KSR2: variants seen among roughly 807,000 people sequenced by gnomAD.
KSR2 encodes the protein kinase suppressor of ras 2.
In KSR2, 25 loss-of-function variants were observed where a neutral mutation model predicts 107.8. The observed-to-expected ratio is 0.23, with a 90% CI of 0.17 to 0.32. KSR2 has a LOEUF of 0.32. KSR2 is among the 10% of genes least tolerant of loss of function. The probability of loss-of-function intolerance (pLI) is 1.00; values close to 1 mark genes in which losing one functional copy is unlikely to be tolerated. For missense variants in KSR2, 887 were observed against 1,268.9 expected (o/e 0.70, Z 4.57); for synonymous variants, 480 against 507.0 (o/e 0.95, Z 0.71).
At chr12:117,566,091 TTA>T (rs1387149773) in intron 7 of KSR2, among the ~76,000 whole-genome samples, 1 of 63,670 alleles carries the variant, frequency 1.6e-5, no homozygotes, top group African/African-American at 5.3e-5. Flanking sequence ...TACCCAGTAG[TTA>T]TTTTTTTTTT....
At chr12:117,861,546 ACC>A (rs1566055655) in intron 1 of KSR2, among the ~76,000 whole-genome samples, 2,449 of 150,412 alleles carry the variant, frequency 0.016, 69 homozygotes, top group African/African-American at 0.057. Flanking sequence ...CCGCCACCAC[ACC>A]CGGCTAATTT....
chr12:117,756,502 AGACC>A (rs1025658252), intron 4 of KSR2, among the ~76,000 whole-genome samples: 138 of 152,332 alleles, frequency 9.1e-4, no homozygotes, highest in African/African-American at 3.2e-3. Flanking sequence ...CCCACTGTTG[AGACC>A]GACTGTTTAG....
chr12:117,803,776 C>T (rs984716978), intron 3 of KSR2, among the ~76,000 whole-genome samples: 3 of 152,078 alleles, frequency 2.0e-5, no homozygotes, highest in African/African-American at 4.8e-5. Flanking sequence ...TCTGTCTTTC[C>T]GGCCATGCAT....
chr12:117,454,578 C>T lies in KSR2; in HGVS notation c.*12621G>A, dbSNP rs951068469. The T allele has an allele frequency of 6.6e-6, 1 of 152,190 alleles. No individual in the cohort carries two copies. Among genetic ancestry groups the T allele is most frequent in the Non-Finnish European group, 1.5e-5 (1 of 68,046 alleles). The allele number at this position is 152,190 out of a possible 1,614,324, so 9.4% of individuals were successfully genotyped here. ...GCTTGGCCTGTGGCCCACTATGGCC[C>T]CTAGGTCTTCTTCAGTCATTTCTGT... On this transcript the variant is annotated 3_prime_UTR_variant, in exon 20 of 20. Coordinates refer to ENST00000339824, the MANE Select transcript of KSR2 (RefSeq NM_173598.6).
At chr12:117,693,041 A>G (rs1013090092) in intron 4 of KSR2, among the ~76,000 whole-genome samples, 17 of 152,204 alleles carry the variant, frequency 1.1e-4, no homozygotes, top group African/African-American at 4.1e-4. Flanking sequence ...AAAGTGGTCG[A>G]TCTCACGTTA....
chr12:117,753,588 C>G (rs1403612913), intron 4 of KSR2, among the ~76,000 whole-genome samples: 5 of 152,156 alleles, frequency 3.3e-5, no homozygotes, highest in Non-Finnish European at 5.9e-5. Flanking sequence ...CGCATGTTCT[C>G]ACTTTTAAGT....
chr12:117,838,334 A>T (rs1892326102), intron 3 of KSR2, among the ~76,000 whole-genome samples: 1 of 151,988 alleles, frequency 6.6e-6, no homozygotes, highest in Admixed American at 6.5e-5. Context: ...CACCCAGCTA[A>T]TTTTTTGTAT....
chr12:117,579,790 T>G (rs1185903776), intron 6 of KSR2, among the ~76,000 whole-genome samples: 2 of 152,252 alleles, frequency 1.3e-5, no homozygotes, highest in African/African-American at 4.8e-5. Context: ...GTGAAAGCCA[T>G]TCAGACCATC....
chr12:117,845,424 T>C (rs1001084809), intron 3 of KSR2, among the ~76,000 whole-genome samples: 2 of 152,192 alleles, frequency 1.3e-5, no homozygotes, highest in Non-Finnish European at 2.9e-5. Context: ...GATGCTTTCT[T>C]GTCATTCAAG....
At position 117,539,745 on chromosome 12, in the gene KSR2, C is replaced by T. The variant is rs56214831; in HGVS notation, c.1661G>A (p.Arg554Gln). The T allele has an allele frequency of 8.3e-3, 13,289 of 1,606,216 alleles. 79 individuals carry two copies. Among genetic ancestry groups the T allele is most frequent in the Middle Eastern group, 0.013 (68 of 5,362 alleles). Residue 554 changes from arginine (R) to glutamine (Q), a missense_variant, in exon 10 of 20, where the codon CGG (arginine) becomes CAG (glutamine). This residue lies in a region of KSR2 where 50 missense variants were observed against 43.4 expected (regional missense o/e 1.15). Coordinates refer to ENST00000339824, the MANE Select transcript of KSR2 (RefSeq NM_173598.6). ...TGGCAGGTTGAAGTTCTTCTGCTGC[C>T]GTGTGCACTGTGGGGAAGGGTGTAG... ...SPLHPSPQCT[R>Q]QQKNFNLPAS... is the part of the protein sequence containing the mutation.
chr12:117,618,474 C>T (rs1043002950), intron 5 of KSR2, among the ~76,000 whole-genome samples: 13 of 152,032 alleles, frequency 8.6e-5, no homozygotes, highest in African/African-American at 3.1e-4. Context: ...TGGGCTCTTT[C>T]CTCTGTGCCT....
chr12:117,703,098 C>G (rs1431234482), intron 4 of KSR2, among the ~76,000 whole-genome samples: 3 of 152,096 alleles, frequency 2.0e-5, no homozygotes, highest in Admixed American at 6.6e-5. Flanking sequence ...AAGCCAGGAT[C>G]AAACCAGGGT....
At chr12:117,527,452 T>C (rs1875277401) in intron 12 of KSR2, among the ~76,000 whole-genome samples, 1 of 152,222 alleles carries the variant, frequency 6.6e-6, no homozygotes, top group Non-Finnish European at 1.5e-5. Flanking sequence ...TTTCAACTTA[T>C]CTAGCAGCTT....
chr12:117,484,879 C>T (rs1872372747), intron 15 of KSR2, among the ~76,000 whole-genome samples: 1 of 152,192 alleles, frequency 6.6e-6, no homozygotes, highest in African/African-American at 2.4e-5. Context: ...TCCACTTCCC[C>T]TTTAAATACT....
At chr12:117,622,695 A>G (rs1314803674) in intron 5 of KSR2, among the ~76,000 whole-genome samples, 1 of 152,164 alleles carries the variant, frequency 6.6e-6, no homozygotes, top group African/African-American at 2.4e-5. Context: ...TAAAGCTTCA[A>G]TTCAATGGGA....
intron 5 of KSR2, among the ~76,000 whole-genome samples, chr12:117,583,299 G>T (rs999031683): frequency 6.6e-6 from 1 of 151,052 alleles, no homozygotes; most frequent in East Asian, 2.0e-4. Flanking sequence ...GTGGGTGGAT[G>T]GATGAATAGA....
intron 4 of KSR2, among the ~76,000 whole-genome samples, chr12:117,724,255 C>G (rs1278861419): frequency 6.7e-6 from 1 of 148,666 alleles, no homozygotes; most frequent in East Asian, 2.0e-4. Context: ...TTGCAGTGAG[C>G]TGAGATCGTG....
In KSR2 at chr12:117,832,872, C is replaced by T. The variant is rs532733579; in HGVS notation, c.472+22556G>A. Among the ~76,000 whole-genome samples the T allele has an allele frequency of 2.9e-4, 44 of 152,358 alleles. No homozygotes were observed. In the South Asian group the frequency reaches 8.1e-3, roughly 28 times the overall value. ...CAGGTCACTGCAGGTGATGGGTTTA[C>T]GTCCCTTGAAAATCAGTCTGAACTC... On this transcript the variant is annotated intron_variant, in intron 3 of 19. Transcript: ENST00000339824.
At chr12:117,587,615 G>A (rs1384788244) in intron 5 of KSR2, among the ~76,000 whole-genome samples, 1 of 152,142 alleles carries the variant, frequency 6.6e-6, no homozygotes, top group Non-Finnish European at 1.5e-5. Context: ...CAGCAGCCAT[G>A]GGAAACTGAC....
Sources: allele counts gnomAD v4.1 joint callset (sites outside exome capture counted in the v4.1 genomes callset), GRCh38; gene constraint gnomAD v4.1.1; regional missense constraint gnomAD v4.1.1; transcripts MANE v1.5; gene names NCBI Gene and HGNC (gene_info 2026-07-23, HGNC 2026-07-21).